KCNH7: variants seen among roughly 807,000 people sequenced by gnomAD.
KCNH7 encodes the protein voltage-gated inwardly rectifying potassium channel KCNH7.
Under a neutral mutation model 120.8 loss-of-function variants are expected in KCNH7, and 49 were observed. The ratio of observed to expected loss-of-function variants is 0.41; its 90% confidence interval spans 0.32 to 0.51. The LOEUF (loss-of-function observed/expected upper bound fraction) is 0.51. Ranked by LOEUF, KCNH7 falls within the 20% of genes least tolerant of loss-of-function variation. The pLI is 0.38. For missense variants in KCNH7, 1,097 were observed against 1,446.6 expected, an observed-to-expected ratio of 0.76 and a Z score of 3.92; for synonymous variants, 547 against 516.1, an observed-to-expected ratio of 1.06 and a Z score of -0.81.
intron 2 of KCNH7, among the ~76,000 whole-genome samples, chr2:162,721,403 T>C (rs1386404907): frequency 6.6e-6 from 1 of 152,090 alleles, no homozygotes; most frequent in Non-Finnish European, 1.5e-5. Context: ...AGACACAAAT[T>C]TTTATTTTTA....
chr2:162,485,127 T>C (rs762231947), intron 6 of KCNH7, among the ~76,000 whole-genome samples: 11 of 152,192 alleles, frequency 7.2e-5, no homozygotes, highest in Non-Finnish European at 1.5e-4. Flanking sequence ...AGATTCAGAA[T>C]GGAACAAAAT....
At chr2:162,752,938 GAAA>G (rs1235258736) in intron 2 of KCNH7, among the ~76,000 whole-genome samples, 5 of 92,436 alleles carry the variant, frequency 5.4e-5, no homozygotes, top group African/African-American at 2.8e-4. Flanking sequence ...GAAAAGAAAA[GAAA>G]AGAAAAGAAA....
chr2:162,423,320 A>G lies in KCNH7; in HGVS notation c.2154+16T>C. 5 of 1,614,006 alleles carry G rather than the reference A, an allele frequency of 3.1e-6. No homozygotes were observed. Among genetic ancestry groups the G allele is most frequent in the Non-Finnish European group, 4.2e-6 (5 of 1,179,872 alleles). ...ATGCCTGCGGCACTTTCATTTTGGA[A>G]AACAGACATACATACCATGTTCATG... On this transcript the variant is annotated intron_variant, in intron 9 of 15. Transcript: ENST00000332142.
intron 2 of KCNH7, among the ~76,000 whole-genome samples, chr2:162,763,011 C>T (rs1032167130): frequency 7.9e-5 from 12 of 152,026 alleles, no homozygotes; most frequent in Non-Finnish European, 1.3e-4. Context: ...TTTTATAATA[C>T]AATGGATAGA....
Position 162,396,954 on chromosome 2 carries a change from A to C in KCNH7, c.2408-9T>G. 6.3e-7 allele frequency: 1 copy of C among 1,579,370 alleles called. No homozygotes were observed. Among genetic ancestry groups the C allele is most frequent in the Non-Finnish European group, 8.7e-7 (1 of 1,152,238 alleles). The stretch of plus-strand genomic sequence containing the variant: ...AAATATATCATTTTTTCCTAAGAAA[A>C]TATAAAGAAAAAGAGGCGGGGAAAG... On this transcript the variant is annotated splice_polypyrimidine_tract_variant and intron_variant, in intron 10 of 15. Transcript: ENST00000332142.
intron 6 of KCNH7, among the ~76,000 whole-genome samples, chr2:162,492,882 T>G (rs1222965596): frequency 2.8e-5 from 4 of 141,170 alleles, no homozygotes; most frequent in African/African-American, 1.1e-4. Flanking sequence ...TTTTTTTTTT[T>G]TTTTTTTTTT....
chr2:162,738,803 G>A (rs1474331241), intron 2 of KCNH7, among the ~76,000 whole-genome samples: 1 of 152,188 alleles, frequency 6.6e-6, no homozygotes, highest in Non-Finnish European at 1.5e-5. Context: ...TTAATACATT[G>A]TAATTGGAAT....
At chr2:162,688,661 G>A (rs1363366069) in intron 2 of KCNH7, among the ~76,000 whole-genome samples, 1 of 151,782 alleles carries the variant, frequency 6.6e-6, no homozygotes, top group Non-Finnish European at 1.5e-5. Flanking sequence ...AATCACTGTG[G>A]TATAGGTATT....
At chr2:162,694,071 A>G (rs1686205574) in intron 2 of KCNH7, among the ~76,000 whole-genome samples, 1 of 152,194 alleles carries the variant, frequency 6.6e-6, no homozygotes, top group Non-Finnish European at 1.5e-5. Context: ...ATTAACAAGT[A>G]TCTACATATT....
At chr2:162,521,356 CT>C (rs1467216313) in intron 3 of KCNH7, among the ~76,000 whole-genome samples, 1 of 151,840 alleles carries the variant, frequency 6.6e-6, no homozygotes, top group Non-Finnish European at 1.5e-5. Flanking sequence ...ATTAGAGAAT[CT>C]TAACCTCCTG....
intron 2 of KCNH7, among the ~76,000 whole-genome samples, chr2:162,546,079 T>C (rs1692465319): frequency 2.0e-5 from 3 of 152,202 alleles, no homozygotes; most frequent in Admixed American, 6.5e-5. Context: ...TCTCACACAT[T>C]TTCTGACGCA....
intron 12 of KCNH7, among the ~76,000 whole-genome samples, chr2:162,388,845 G>A (rs1686657261): frequency 6.6e-6 from 1 of 151,940 alleles, no homozygotes; most frequent in Non-Finnish European, 1.5e-5. Context: ...CCTTTGAAAT[G>A]CAAAATGTAA....
At position 162,549,347 on chromosome 2, in the gene KCNH7, G is replaced by T. The variant is rs561624091; in HGVS notation, c.308-12267C>A. Among the ~76,000 whole-genome samples, 8 of 152,330 alleles carry T rather than the reference G, an allele frequency of 5.3e-5. No individual in the cohort carries two copies. The South Asian group carries it at 1.0e-3, about 20-fold the overall frequency. ...CTGGGGTTAATTCCATCAGCTGAAG[G>T]TTAAGCCGTTAGCTTCTCTAAACAG... On this transcript the variant is annotated intron_variant, in intron 2 of 15. Transcript: ENST00000332142.
chr2:162,511,900 G>A (rs1691093014), intron 5 of KCNH7, among the ~76,000 whole-genome samples: 1 of 151,674 alleles, frequency 6.6e-6, no homozygotes, highest in Non-Finnish European at 1.5e-5. Flanking sequence ...CATGGCCTAT[G>A]TTGAAAGACC....
At chr2:162,758,737 C>A (rs1165476137) in intron 2 of KCNH7, among the ~76,000 whole-genome samples, 1 of 152,032 alleles carries the variant, frequency 6.6e-6, no homozygotes. Flanking sequence ...TAATTGAATT[C>A]TCTTATAGGT....
At chr2:162,519,958 T>C (rs116266568) in intron 3 of KCNH7, among the ~76,000 whole-genome samples, 1,949 of 151,846 alleles carry the variant, frequency 0.013, 32 homozygotes, top group South Asian at 0.055. Context: ...TCCCAGTGGA[T>C]GGTTTTTTTC....
In KCNH7 at chr2:162,434,817, ATATC is replaced by A. The variant is rs751689260; in HGVS notation, c.1954+377_1954+380del. Among the ~76,000 whole-genome samples, 95 of 152,082 alleles carry A rather than the reference ATATC, an allele frequency of 6.2e-4. 1 individual carries two copies. The highest frequency in any genetic ancestry group is 1.5e-3 in the South Asian group (7 of 4,822). On this transcript the variant is annotated intron_variant, in intron 8 of 15. Transcript: ENST00000332142. ...CATTTTTTATGTTTGTACATTTTTT[ATATC>A]TATCTATCTATCATCATGTAGTGTA...
chr2:162,722,876 C>CT (rs548096279), intron 2 of KCNH7, among the ~76,000 whole-genome samples: 8 of 109,160 alleles, frequency 7.3e-5, no homozygotes, highest in Middle Eastern at 4.9e-3. Context: ...AATTTGCTGA[C>CT]TTTTTTTTTA....
At chr2:162,677,272 C>CA (rs1194416140) in intron 2 of KCNH7, among the ~76,000 whole-genome samples, 1 of 151,412 alleles carries the variant, frequency 6.6e-6, no homozygotes, top group Non-Finnish European at 1.5e-5. Context: ...TTTTTTTAAA[C>CA]ATTTTATTAA....
Sources: allele counts gnomAD v4.1 joint callset (sites outside exome capture counted in the v4.1 genomes callset), GRCh38; gene constraint gnomAD v4.1.1; transcripts MANE v1.5; gene names NCBI Gene and HGNC (gene_info 2026-07-23, HGNC 2026-07-21).